The following ATP11A variants were observed in gnomAD, a reference collection of about 807,000 sequenced individuals.
ATP11A encodes phospholipid-transporting ATPase IH.
A neutral mutation model predicts 154.4 loss-of-function variants in ATP11A; 81 were observed. The ratio of observed to expected loss-of-function variants is 0.52; its 90% CI spans 0.44 to 0.63. The LOEUF is 0.63. Ranked by LOEUF, ATP11A falls within the 30% of genes least tolerant of loss-of-function variation. The probability of loss-of-function intolerance (pLI) is 0.00; values close to 1 mark genes in which losing one functional copy is unlikely to be tolerated. For synonymous variants in ATP11A, 623 were observed against 585.9 expected (o/e 1.06, Z -0.91); for missense variants, 1,316 against 1,474.3 (o/e 0.89, Z 1.76).
rs1013845084 is a variant in ATP11A, at chr13:112,853,695, T to C, written c.1992-584T>C. On this transcript the variant is annotated intron_variant, in intron 18 of 29. Transcript: ENST00000375645. ...CTTACTCGTGACATCATGGTAAGCA[T>C]GAAAGATTGCACATAGGAAGTGTCA... is the stretch of plus-strand genomic sequence containing the variant. 7.9e-5 allele frequency among the ~76,000 whole-genome samples: 12 copies of C among 152,176 alleles called. 1 individual carries two copies. Among genetic ancestry groups the C allele is most frequent in the Non-Finnish European group, 1.6e-4 (11 of 68,030 alleles).
rs368679970 is a variant in ATP11A at position 112,873,543 on chromosome 13, C to T, written c.3058-30C>T. Reference sequence around the variant, plus strand: ...ATCATTCTCACTGCTCAGATGACACCGTTAACTGCCCTTTTTTTTTTCCTT... The same window carrying T: ...ATCATTCTCACTGCTCAGATGACACTGTTAACTGCCCTTTTTTTTTTCCTT... On this transcript the variant is annotated intron_variant, in intron 26 of 29. Coordinates refer to ENST00000375645, the MANE Select transcript of ATP11A (RefSeq NM_015205.3). 8.5e-6 allele frequency: 13 copies of T among 1,535,208 alleles called. No individual in the cohort carries two copies. The East Asian group carries it at 1.4e-4, about 16-fold the overall frequency.
intron 9 of ATP11A, 128 bp downstream of exon 9, chr13:112,823,537 G>C: frequency 1.5e-6 from 1 of 669,008 alleles, no homozygotes. Flanking sequence ...TTCTGGCCGC[G>C]CAAGTTCTGC....
intron 1 of ATP11A, among the ~76,000 whole-genome samples, chr13:112,740,006 C>A (rs1891371503): frequency 6.6e-6 from 1 of 151,992 alleles, no homozygotes; most frequent in African/African-American, 2.4e-5. Flanking sequence ...GGTCTTGTGC[C>A]TTCTTGGGAT....
At chr13:112,734,531 G>C (rs1890802372) in intron 1 of ATP11A, among the ~76,000 whole-genome samples, 1 of 152,090 alleles carries the variant, frequency 6.6e-6, no homozygotes. Flanking sequence ...ATCAACCGCC[G>C]AGGAACTGCA....
chr13:112,788,884 C>T (rs931394228), intron 2 of ATP11A, among the ~76,000 whole-genome samples: 1 of 151,654 alleles, frequency 6.6e-6, no homozygotes, highest in Non-Finnish European at 1.5e-5. Context: ...CGTGTAGACT[C>T]CTATGTAGAC....
chr13:112,873,543 C>G (rs368679970), intron 26 of ATP11A, 30 bp from the exon 27 acceptor site: 3 of 1,535,208 alleles, frequency 2.0e-6, no homozygotes, highest in East Asian at 4.5e-5. Flanking sequence ...CAGATGACAC[C>G]GTTAACTGCC....
At chr13:112,809,418 G>A (rs566480306) in intron 4 of ATP11A, among the ~76,000 whole-genome samples, 61 of 152,150 alleles carry the variant, frequency 4.0e-4, no homozygotes, top group Non-Finnish European at 7.9e-4. Flanking sequence ...CCAGTCACAG[G>A]GCCACTGATG....
intron 17 of ATP11A, among the ~76,000 whole-genome samples, chr13:112,845,325 G>A (rs1466102947): frequency 6.2e-5 from 7 of 112,564 alleles, no homozygotes; most frequent in South Asian, 2.5e-4. Flanking sequence ...TCCAGTTGCC[G>A]GCACTATCGG....
At chr13:112,786,743 G>A (rs1337124196) in intron 2 of ATP11A, among the ~76,000 whole-genome samples, 1 of 152,270 alleles carries the variant, frequency 6.6e-6, no homozygotes, top group Non-Finnish European at 1.5e-5. Flanking sequence ...ACGCGTGGAC[G>A]GGCTGCACAT....
At position 112,785,313 on chromosome 13, in the gene ATP11A, G is replaced by A. The variant is rs966293160; in HGVS notation, c.162+56G>A. The A allele has an allele frequency of 2.2e-6, 3 of 1,375,464 alleles. No individual in the cohort carries two copies. The allele number at this position is 1,375,464 out of a possible 1,614,324, so 85.2% of individuals were successfully genotyped here. ...TGTGTCTAAAAAGCAGCTGCCGGGG[G>A]GTGTTAGTGCTTCTCGGTTTCAAAG... is the stretch of plus-strand genomic sequence containing the variant. On this transcript the variant is annotated intron_variant, in intron 2 of 29. Coordinates refer to ENST00000375645, the MANE Select transcript of ATP11A (RefSeq NM_015205.3). The surrounding 1 kb of genome is among the most constrained non-coding windows in gnomAD (Gnocchi z 4.8).
intron 1 of ATP11A, among the ~76,000 whole-genome samples, chr13:112,769,169 G>C (rs1026174760): frequency 6.6e-6 from 1 of 152,158 alleles, no homozygotes; most frequent in East Asian, 1.9e-4. Flanking sequence ...CCCCATGCCC[G>C]GCCTCCCCCA....
intron 25 of ATP11A, among the ~76,000 whole-genome samples, chr13:112,864,772 TGCGGCCCATGCAGCTTCTCAGC>T: frequency 1.5e-5 from 1 of 67,992 alleles, no homozygotes; most frequent in African/African-American, 1.3e-4. Context: ...AGTAATTCAG[TGCGGCCCATGCAGCTTCTCAGC>T]GGGGTCCATC....
intron 25 of ATP11A, among the ~76,000 whole-genome samples, chr13:112,862,780 C>G (rs758447140): frequency 1.3e-5 from 2 of 148,892 alleles, no homozygotes; most frequent in East Asian, 3.9e-4. Context: ...CAGTGCAGCC[C>G]GTGCAGCTTC....
At position 112,753,215 on chromosome 13, in the gene ATP11A, C is replaced by G. The variant is rs1439134268; in HGVS notation, c.40-31920C>G. On this transcript the variant is annotated intron_variant, in intron 1 of 29. Coordinates refer to ENST00000375645, the MANE Select transcript of ATP11A (RefSeq NM_015205.3). The surrounding 1 kb of genome is among the most constrained non-coding windows in gnomAD (Gnocchi z 4.1). The stretch of plus-strand genomic sequence containing the variant: ...GTCTGCACAGCTGCGTGATGTTCCC[C>G]TGTGGACTCAACCTCCCCCGCCCCT... 6.6e-6 allele frequency among the ~76,000 whole-genome samples: 1 copy of G among 152,216 alleles called. No homozygotes were observed. The highest frequency in any genetic ancestry group is 1.9e-4 in the East Asian group (1 of 5,204).
Position 112,690,486 on chromosome 13 carries a change from C to CGGGGACCA in ATP11A, c.39+33_39+40dup. On this transcript the variant is annotated intron_variant, in intron 1 of 29. Coordinates refer to ENST00000375645, the MANE Select transcript of ATP11A (RefSeq NM_015205.3). The surrounding 1 kb of genome is among the most constrained non-coding windows in gnomAD (Gnocchi z 5.6). ...TGCTCCCGGCGCGGGCTGGGGGACC[C>CGGGGACCA]GGGGACCAGACAGACGCGGGCCGGC... is the stretch of plus-strand genomic sequence containing the variant. 7.6e-7 allele frequency: 1 copy of CGGGGACCA among 1,321,896 alleles called. No individual in the cohort carries two copies. The highest frequency in any genetic ancestry group is 9.7e-7 in the Non-Finnish European group (1 of 1,034,684). The allele number at this position is 1,321,896 out of a possible 1,614,324, so 81.9% of individuals were successfully genotyped here.
In ATP11A at chr13:112,845,572, G is replaced by A. The variant is rs112234491; in HGVS notation, c.1809+3193G>A. Among the ~76,000 whole-genome samples, 89 of 103,776 alleles carry A rather than the reference G, an allele frequency of 8.6e-4. 3 individuals are homozygous for A. The highest frequency in any genetic ancestry group is 4.7e-3 in the African/African-American group (86 of 18,406). The allele number at this position is 103,776 out of a possible 152,430, so 68.1% of individuals were successfully genotyped here. A position where few individuals can be genotyped will look rare whatever the true frequency, so the allele number is the denominator to read the frequency against. On this transcript the variant is annotated intron_variant, in intron 17 of 29. Coordinates refer to ENST00000375645, the MANE Select transcript of ATP11A (RefSeq NM_015205.3). The stretch of plus-strand genomic sequence containing the variant: ...ACTAGCGGTACTAACCAGTCCAGTT[G>A]CCAGGCACTAGTGGTTCTAACCAGT...
rs1347218500 is a variant in ATP11A, at chr13:112,886,449, A to G, written c.*4583A>G. Reference sequence around the variant, plus strand: ...ACAACTCAGTGTCTAACAGCTTGATATGCAGGTCCTTGCATCCTACATTTC... The same window carrying G: ...ACAACTCAGTGTCTAACAGCTTGATGTGCAGGTCCTTGCATCCTACATTTC... On this transcript the variant is annotated 3_prime_UTR_variant, in exon 30 of 30. Transcript: ENST00000375645. 3.3e-5 allele frequency: 5 copies of G among 152,294 alleles called. No homozygotes were observed. In the South Asian group the frequency reaches 6.2e-4, roughly 19 times the overall value. 9.4% of individuals were successfully genotyped at this position (152,294 alleles called of 1,614,324 possible). A position where few individuals can be genotyped will look rare whatever the true frequency, so the allele number is the denominator to read the frequency against.
intron 1 of ATP11A, among the ~76,000 whole-genome samples, chr13:112,763,704 C>T (rs1255460997): frequency 2.0e-5 from 3 of 152,204 alleles, no homozygotes; most frequent in Non-Finnish European, 4.4e-5. Context: ...CTTAACTTCA[C>T]GCTGACTTCA....
chr13:112,719,176 C>T (rs282565), intron 1 of ATP11A, among the ~76,000 whole-genome samples: 116,760 of 151,350 alleles, frequency 0.77, 46,186 homozygotes, highest in East Asian at 0.91. Context: ...GACTTTGAAT[C>T]GCGTCAAAGA....
Sources: allele counts gnomAD v4.1 joint callset (sites outside exome capture counted in the v4.1 genomes callset), GRCh38; gene constraint gnomAD v4.1.1; non-coding constraint Gnocchi (gnomAD v3.1); transcripts MANE v1.5; gene names NCBI Gene and HGNC (gene_info 2026-07-23, HGNC 2026-07-21).